The following CADM2 variants were observed in gnomAD, a reference collection of about 807,000 sequenced individuals.
CADM2 encodes cell adhesion molecule 2.
In CADM2, 12 loss-of-function variants were observed where a neutral mutation model predicts 49.8. The observed-to-expected ratio is 0.24, with a 90% confidence interval of 0.15 to 0.39. CADM2 has a LOEUF of 0.39. CADM2 is among the 10% of genes least tolerant of loss of function. CADM2 has a pLI of 1.00. For synonymous variants in CADM2, 214 were observed against 175.4 expected (o/e 1.22, Z -1.74); for missense variants, 378 against 492.3 (o/e 0.77, Z 2.20).
chr3:85,424,902 T>G (rs2036331354), intron 1 of CADM2, among the ~76,000 whole-genome samples: 1 of 152,156 alleles, frequency 6.6e-6, no homozygotes, highest in African/African-American at 2.4e-5. Context: ...CTGTATATAC[T>G]AGCCTTGATA....
chr3:84,970,099 T>C (rs889937978), intron 1 of CADM2, among the ~76,000 whole-genome samples: 2 of 148,722 alleles, frequency 1.3e-5, no homozygotes, highest in Non-Finnish European at 3.0e-5. Flanking sequence ...GGTTCTCTGA[T>C]TAGTCCCTGA....
intron 2 of CADM2, among the ~76,000 whole-genome samples, chr3:85,748,101 A>G (rs1219048744): frequency 6.6e-6 from 1 of 152,118 alleles, no homozygotes; most frequent in Non-Finnish European, 1.5e-5. Context: ...TGTTTTATAA[A>G]TTGAGAACTT....
intron 1 of CADM2, among the ~76,000 whole-genome samples, chr3:85,140,436 A>G (rs555802833): frequency 1.3e-5 from 2 of 152,318 alleles, no homozygotes; most frequent in South Asian, 4.1e-4. Flanking sequence ...AATAACTCGT[A>G]TGACTTGATC....
At chr3:85,930,929 T>A (rs972373285) in intron 6 of CADM2, among the ~76,000 whole-genome samples, 2 of 149,714 alleles carry the variant, frequency 1.3e-5, no homozygotes, top group African/African-American at 4.9e-5. Context: ...TATTACTTAA[T>A]AATTAAATGT....
At chr3:85,927,493 G>A (rs954214965) in intron 6 of CADM2, among the ~76,000 whole-genome samples, 2 of 152,122 alleles carry the variant, frequency 1.3e-5, no homozygotes, top group Non-Finnish European at 2.9e-5. Flanking sequence ...ATGGGTACTA[G>A]CACTCTTCTT....
chr3:85,017,179 G>A (rs956119429), intron 1 of CADM2, among the ~76,000 whole-genome samples: 2 of 152,164 alleles, frequency 1.3e-5, no homozygotes, highest in African/African-American at 4.8e-5. Flanking sequence ...AGCAGATGGA[G>A]GAAGAATGCA....
rs150954012 is a variant in CADM2, at chr3:85,382,787, T to C, written c.62-343735T>C. Among the ~76,000 whole-genome samples, 370 of 152,304 alleles carry C rather than the reference T, an allele frequency of 2.4e-3. 2 individuals carry two copies. The highest frequency in any genetic ancestry group is 8.5e-3 in the African/African-American group (353 of 41,564). On this transcript the variant is annotated intron_variant, in intron 1 of 9. Transcript: ENST00000383699. Reference sequence around the variant, plus strand: ...ATACAATAGAGACAGAAACAAATATTTGACAATTTTAAAAGAAAATGAAGA... The same window carrying C: ...ATACAATAGAGACAGAAACAAATATCTGACAATTTTAAAAGAAAATGAAGA...
Position 86,012,708 on chromosome 3 carries a change from G to A in CADM2, c.970+51061G>A, listed in dbSNP as rs572450127. On this transcript the variant is annotated intron_variant, in intron 8 of 9. Transcript: ENST00000383699. ...GACTTAGAAGATAAAACACCTGATC[G>A]GCTGGGCGCGTTGACTCACGCCTGT... 6.3e-4 allele frequency: 672 copies of A among 1,071,746 alleles called. 3 individuals are homozygous for A. The highest frequency in any genetic ancestry group is 7.9e-4 in the Non-Finnish European group (557 of 706,170). The allele number at this position is 1,071,746 out of a possible 1,614,324, so 66.4% of individuals were successfully genotyped here.
chr3:85,355,654 A>C (rs956376980), intron 1 of CADM2, among the ~76,000 whole-genome samples: 4 of 152,158 alleles, frequency 2.6e-5, no homozygotes, highest in Non-Finnish European at 5.9e-5. Flanking sequence ...AGGAAAAAAT[A>C]AAATCGCGAA....
At chr3:85,623,376 C>T (rs1014878735) in intron 1 of CADM2, among the ~76,000 whole-genome samples, 2 of 151,984 alleles carry the variant, frequency 1.3e-5, no homozygotes, top group African/African-American at 4.8e-5. Flanking sequence ...ACTTTAAATA[C>T]GTTTACTAGA....
chr3:85,746,215 A>G lies in CADM2; in HGVS notation c.88+19667A>G, dbSNP rs182895245. ...AATAACATCAAAAGCCACTGAGGTA[A>G]AAATTGCTTGGGCTTTTAACAAGCA... On this transcript the variant is annotated intron_variant, in intron 2 of 9. Transcript: ENST00000383699. Among the ~76,000 whole-genome samples the G allele has an allele frequency of 5.9e-5, 9 of 152,066 alleles. No homozygotes were observed. In the East Asian group the frequency reaches 1.2e-3, roughly 20 times the overall value.
intron 8 of CADM2, among the ~76,000 whole-genome samples, chr3:86,022,093 A>G (rs537949039): frequency 9.2e-5 from 14 of 152,276 alleles, no homozygotes; most frequent in African/African-American, 3.1e-4. Flanking sequence ...ATCATGTTGT[A>G]TACCTTAATT....
intron 1 of CADM2, among the ~76,000 whole-genome samples, chr3:85,378,215 A>G (rs540076188): frequency 2.7e-4 from 41 of 151,988 alleles, no homozygotes; most frequent in Non-Finnish European, 1.3e-4. Flanking sequence ...GAAGTATAAG[A>G]TCTTACTTGG....
intron 1 of CADM2, among the ~76,000 whole-genome samples, chr3:85,492,167 A>C (rs983859561): frequency 6.6e-6 from 1 of 152,218 alleles, no homozygotes; most frequent in Admixed American, 6.5e-5. Context: ...ACTATTTTAA[A>C]AACAGAAATA....
intron 1 of CADM2, among the ~76,000 whole-genome samples, chr3:85,709,842 C>G (rs1400811173): frequency 6.6e-6 from 1 of 152,108 alleles, no homozygotes; most frequent in Non-Finnish European, 1.5e-5. Flanking sequence ...ATTCATAAAT[C>G]TCTTTGAAAA....
intron 3 of CADM2, among the ~76,000 whole-genome samples, chr3:85,855,166 A>G (rs2075259626): frequency 6.6e-6 from 1 of 151,702 alleles, no homozygotes; most frequent in African/African-American, 2.4e-5. Context: ...TTCCTATCCC[A>G]CTCAATTTGC....
rs549917379 is a variant in CADM2, at chr3:85,833,408, G to A, written c.238+31212G>A. 1.9e-4 allele frequency among the ~76,000 whole-genome samples: 29 copies of A among 151,794 alleles called. No homozygotes were observed. In the South Asian group the frequency reaches 6.0e-3, roughly 32 times the overall value. On this transcript the variant is annotated intron_variant, in intron 3 of 9. Coordinates refer to ENST00000383699, the MANE Select transcript of CADM2 (RefSeq NM_001167675.2). ...TTTTCAATTAGTTTCAGTAGGATTG[G>A]TAACAGTTCTTCATACATCTGGTAG...
intron 1 of CADM2, among the ~76,000 whole-genome samples, chr3:85,183,113 C>A (rs2040975641): frequency 6.6e-6 from 1 of 152,024 alleles, no homozygotes; most frequent in Non-Finnish European, 1.5e-5. Flanking sequence ...TAAAATGATA[C>A]TCTCAAATTA....
chr3:86,000,117 G>A (rs1210505049), intron 8 of CADM2, among the ~76,000 whole-genome samples: 1 of 152,188 alleles, frequency 6.6e-6, no homozygotes, highest in Non-Finnish European at 1.5e-5. Context: ...TGAGTCTGAG[G>A]AGAGAAGATA....
Sources: gnomAD v4.1 joint callset for allele counts (sites outside exome capture counted in the v4.1 genomes callset) on GRCh38, gnomAD v4.1.1 for gene constraint, MANE v1.5 for transcripts, NCBI Gene and HGNC (gene_info 2026-07-23, HGNC 2026-07-21) for gene names.